WRN: variants seen among roughly 807,000 people sequenced by gnomAD.
WRN encodes WRN RecQ like helicase, also known as bifunctional 3'-5' exonuclease/ATP-dependent helicase WRN.
WRN carries 149 observed loss-of-function variants against 180.7 expected under a neutral mutation model. The observed-to-expected ratio is 0.82, with a 90% confidence interval of 0.72 to 0.94. The LOEUF (loss-of-function observed/expected upper bound fraction) is 0.94. Among genes scored for constraint, WRN ranks in the 40% least tolerant of loss-of-function variants. The pLI, the probability that WRN is intolerant of heterozygous loss-of-function variation, is 0.00. For missense variants in WRN, 1,661 were observed against 1,700.1 expected, an observed-to-expected ratio of 0.98 and a Z score of 0.40; for synonymous variants, 548 against 568.9, an observed-to-expected ratio of 0.96 and a Z score of 0.52.
intron 34 of WRN, among the ~76,000 whole-genome samples, chr8:31,170,234 G>A (rs905517652): frequency 2.0e-5 from 3 of 151,940 alleles, no homozygotes; most frequent in Admixed American, 1.3e-4. Flanking sequence ...TCTTAATTCT[G>A]GAATTCAGAA....
At chr8:31,154,225 T>TA (rs1443366628) in intron 31 of WRN, among the ~76,000 whole-genome samples, 1 of 152,006 alleles carries the variant, frequency 6.6e-6, no homozygotes, top group Non-Finnish European at 1.5e-5. Flanking sequence ...TTACGATATA[T>TA]TAGTGGTTAT....
intron 4 of WRN, 76 bp from the exon 5 acceptor site, chr8:31,064,839 A>C: frequency 6.8e-7 from 1 of 1,481,280 alleles, no homozygotes; most frequent in Non-Finnish European, 9.4e-7. Context: ...ACACATAAAC[A>C]TGGTATGTAT....
chr8:31,113,100 G>A (rs1801380719), intron 19 of WRN, among the ~76,000 whole-genome samples: 1 of 151,578 alleles, frequency 6.6e-6, no homozygotes, highest in Admixed American at 6.6e-5. Context: ...CAGCTATTTG[G>A]GAGGCTGAGG....
At chr8:31,135,868 G>T (rs1585506973) in intron 24 of WRN, among the ~76,000 whole-genome samples, 1 of 151,702 alleles carries the variant, frequency 6.6e-6, no homozygotes, top group South Asian at 2.1e-4. Context: ...CCGTTGTAAA[G>T]ACTTTGCTTT....
intron 8 of WRN, among the ~76,000 whole-genome samples, chr8:31,077,272 G>A (rs1050022389): frequency 1.1e-4 from 16 of 151,786 alleles, no homozygotes; most frequent in Middle Eastern, 3.2e-3. Flanking sequence ...GACGAGTCTC[G>A]CTTTGTTGCC....
intron 19 of WRN, among the ~76,000 whole-genome samples, chr8:31,115,875 AT>A (rs11574300): frequency 0.27 from 40,718 of 151,994 alleles, 5,931 homozygotes; most frequent in South Asian, 0.34. Flanking sequence ...TGTAAAAGCA[AT>A]CTTTCAATAT....
intron 16 of WRN, among the ~76,000 whole-genome samples, chr8:31,092,396 C>A (rs1813780963): frequency 1.3e-5 from 2 of 151,166 alleles, no homozygotes; most frequent in Admixed American, 6.6e-5. Context: ...TGATGTAATT[C>A]CTAAGGAGAA....
intron 28 of WRN, among the ~76,000 whole-genome samples, chr8:31,146,055 C>T (rs945722622): frequency 6.6e-6 from 1 of 151,700 alleles, no homozygotes; most frequent in Non-Finnish European, 1.5e-5. Flanking sequence ...CATACCAGCC[C>T]ACACTCTTCC....
chr8:31,043,469 G>C (rs1479037202), intron 1 of WRN, among the ~76,000 whole-genome samples: 1 of 152,150 alleles, frequency 6.6e-6, no homozygotes, highest in Non-Finnish European at 1.5e-5. Context: ...TACACATTTT[G>C]GGATGGGGTG....
chr8:31,165,894 A>G (rs1803837452), intron 33 of WRN, among the ~76,000 whole-genome samples: 1 of 152,166 alleles, frequency 6.6e-6, no homozygotes, highest in Non-Finnish European at 1.5e-5. Context: ...ATACAATTTT[A>G]GTTTGGTTGA....
chr8:31,095,965 G>C (rs943147385), intron 16 of WRN, among the ~76,000 whole-genome samples: 1 of 152,180 alleles, frequency 6.6e-6, no homozygotes, highest in Non-Finnish European at 1.5e-5. Context: ...ACAATTAGCT[G>C]TCTTGATAGT....
At chr8:31,129,528 G>A (rs1242853224) in intron 23 of WRN, among the ~76,000 whole-genome samples, 2 of 152,034 alleles carry the variant, frequency 1.3e-5, no homozygotes, top group East Asian at 1.9e-4. Flanking sequence ...ACTTGAGTTA[G>A]AAGTAAATAA....
chr8:31,110,731 A>G (rs1445792335), intron 18 of WRN, among the ~76,000 whole-genome samples: 1 of 152,164 alleles, frequency 6.6e-6, no homozygotes, highest in Non-Finnish European at 1.5e-5. Flanking sequence ...ATCTGTCACG[A>G]GCCAAAAAGA....
chr8:31,132,472 G>T lies in WRN; in HGVS notation c.2933G>T (p.Gly978Val). The T allele has an allele frequency of 6.2e-7, 1 of 1,614,086 alleles. No homozygotes were observed. The change falls in exon 24 of 35, where the codon GGA becomes GTA. Residue 978 changes from glycine to valine, a missense_variant. Around this residue, in one of 3 missense-constraint regions of WRN, gnomAD observed 1,141 missense variants for 1,149.4 expected, o/e 0.99. Transcript: ENST00000298139. ...SAVDILGEKF[G>V]IGLPILFLRG... ...GTGGACATCTTAGGCGAAAAATTTG[G>T]AATTGGGCTTCCAATTTTATTTCTC...
chr8:31,070,592 G>A (rs1563333106), intron 7 of WRN, among the ~76,000 whole-genome samples: 1 of 152,110 alleles, frequency 6.6e-6, no homozygotes, highest in Non-Finnish European at 1.5e-5. Context: ...ATATAGATGA[G>A]TGAAGAAAGC....
At chr8:31,129,502 T>C (rs1802060440) in intron 23 of WRN, among the ~76,000 whole-genome samples, 1 of 152,186 alleles carries the variant, frequency 6.6e-6, no homozygotes, top group South Asian at 2.1e-4. Context: ...CTCACCACAT[T>C]TTCTGACCAT....
At chr8:31,075,556 CAA>C (rs538312568) in intron 7 of WRN, among the ~76,000 whole-genome samples, 3 of 137,302 alleles carry the variant, frequency 2.2e-5, no homozygotes, top group Non-Finnish European at 1.6e-5. Context: ...ACTAGAAATA[CAA>C]AAAAAAAAAA....
intron 7 of WRN, among the ~76,000 whole-genome samples, chr8:31,072,471 A>G (rs1812947946): frequency 6.6e-6 from 1 of 152,178 alleles, no homozygotes; most frequent in Non-Finnish European, 1.5e-5. Context: ...TGGAAGTCAT[A>G]TTAACGTGAA....
Position 31,150,405 on chromosome 8 carries a change from G to A in WRN, c.3637G>A (p.Ala1213Thr). 1 of 1,614,084 alleles carries A rather than the reference G, an allele frequency of 6.2e-7. No homozygotes were observed. Residue 1213 changes from alanine to threonine, a missense_variant, in exon 31 of 35, where the codon GCC becomes ACC. Transcript: ENST00000298139. Reference protein sequence around the residue: ...GVSEGKAAMLAPLLEVIKHFC... With the variant: ...GVSEGKAAMLTPLLEVIKHFC... The stretch of plus-strand genomic sequence containing the variant: ...TTCTGAAGGCAAAGCTGCCATGTTG[G>A]CCCCTCTGTTGGAAGTCATCAAACA...
Sources: gnomAD v4.1 joint callset for allele counts (sites outside exome capture counted in the v4.1 genomes callset) on GRCh38, gnomAD v4.1.1 for gene constraint, gnomAD v4.1.1 regional missense constraint, MANE v1.5 for transcripts, NCBI Gene and HGNC (gene_info 2026-07-23, HGNC 2026-07-21) for gene names.